The following JAZF1 variants were observed in gnomAD, a reference collection of about 807,000 sequenced individuals.
JAZF1 encodes juxtaposed with another zinc finger protein 1.
Under a neutral mutation model 26.4 loss-of-function variants are expected in JAZF1, and 8 were observed. The ratio of observed to expected loss-of-function variants is 0.30; its 90% CI spans 0.18 to 0.55. The LOEUF is 0.55. JAZF1 is among the 20% of genes least tolerant of loss of function. The pLI is 0.94. For synonymous variants in JAZF1, 126 were observed against 122.3 expected, an observed-to-expected ratio of 1.03 and a Z score of -0.20; for missense variants, 199 against 322.0, an observed-to-expected ratio of 0.62 and a Z score of 2.92.
chr7:28,126,425 G>A (rs1040282619), intron 1 of JAZF1, among the ~76,000 whole-genome samples: 1 of 151,576 alleles, frequency 6.6e-6, no homozygotes, highest in Non-Finnish European at 1.5e-5. Flanking sequence ...AGGAGAGGGG[G>A]ATGGGCATGG....
intron 1 of JAZF1, among the ~76,000 whole-genome samples, chr7:28,004,857 T>G (rs1028478277): frequency 1.3e-5 from 2 of 152,182 alleles, no homozygotes; most frequent in African/African-American, 4.8e-5. Context: ...TTCGCCATGT[T>G]GGCCAGGCTG....
intron 1 of JAZF1, among the ~76,000 whole-genome samples, chr7:28,054,919 G>A (rs1215191183): frequency 1.3e-5 from 2 of 152,024 alleles, no homozygotes; most frequent in Non-Finnish European, 2.9e-5. Flanking sequence ...ACAGTGCATG[G>A]CGCTCACATT....
chr7:28,071,303 C>A (rs963634124), intron 1 of JAZF1, among the ~76,000 whole-genome samples: 1 of 152,212 alleles, frequency 6.6e-6, no homozygotes, highest in African/African-American at 2.4e-5. Context: ...CATACTCTTC[C>A]ACTTTTATGC....
intron 1 of JAZF1, among the ~76,000 whole-genome samples, chr7:28,106,477 G>A (rs534552094): frequency 4.6e-5 from 7 of 152,224 alleles, no homozygotes; most frequent in African/African-American, 1.7e-4. Context: ...GGGAGACACA[G>A]GATCTGACAC....
At chr7:28,170,808 T>C (rs1447911090) in intron 1 of JAZF1, among the ~76,000 whole-genome samples, 1 of 152,090 alleles carries the variant, frequency 6.6e-6, no homozygotes, top group East Asian at 1.9e-4. Context: ...GATCACAACT[T>C]AGGCTGTAAA....
intron 1 of JAZF1, among the ~76,000 whole-genome samples, chr7:28,048,310 T>A (rs1288174925): frequency 6.6e-6 from 1 of 152,228 alleles, no homozygotes; most frequent in Non-Finnish European, 1.5e-5. Flanking sequence ...AGAGATTAGT[T>A]TTATTTAATC....
At chr7:27,966,487 A>G (rs1439226121) in intron 2 of JAZF1, among the ~76,000 whole-genome samples, 4 of 152,330 alleles carry the variant, frequency 2.6e-5, no homozygotes, top group Middle Eastern at 3.4e-3. Flanking sequence ...ACACAATTCA[A>G]GGCTGACCCT....
chr7:28,172,110 T>TA (rs1783479257), intron 1 of JAZF1, among the ~76,000 whole-genome samples: 1 of 152,196 alleles, frequency 6.6e-6, no homozygotes, highest in South Asian at 2.1e-4. Flanking sequence ...CTGCTATAAA[T>TA]ACTTCTTTTG....
intron 3 of JAZF1, among the ~76,000 whole-genome samples, chr7:27,863,039 C>T (rs1159649732): frequency 6.6e-6 from 1 of 152,152 alleles, no homozygotes; most frequent in East Asian, 1.9e-4. Context: ...GCCACCATTC[C>T]GGCCTGCCTT....
At chr7:27,855,233 G>T (rs13237769) in intron 3 of JAZF1, among the ~76,000 whole-genome samples, 1 of 151,758 alleles carries the variant, frequency 6.6e-6, no homozygotes, top group Non-Finnish European at 1.5e-5. Context: ...GCAGTGTGTA[G>T]AGGGAAATTT....
chr7:27,926,356 T>C (rs1015194064), intron 2 of JAZF1, among the ~76,000 whole-genome samples: 26 of 152,170 alleles, frequency 1.7e-4, no homozygotes, highest in Admixed American at 1.5e-3. Flanking sequence ...ACAGCAACAC[T>C]GTACAAGGGA....
intron 2 of JAZF1, among the ~76,000 whole-genome samples, chr7:27,981,958 A>G (rs574911310): frequency 6.6e-6 from 1 of 152,234 alleles, no homozygotes; most frequent in South Asian, 2.1e-4. Flanking sequence ...TTGGCAAAAT[A>G]TTTGTTACTT....
intron 3 of JAZF1, among the ~76,000 whole-genome samples, chr7:27,880,581 C>A (rs1001369987): frequency 6.6e-6 from 1 of 151,818 alleles, no homozygotes. Flanking sequence ...TGCAGTGAGC[C>A]GAGATCATGC....
intron 1 of JAZF1, among the ~76,000 whole-genome samples, chr7:28,088,338 T>C (rs993456978): frequency 7.2e-5 from 11 of 152,244 alleles, no homozygotes; most frequent in Admixed American, 6.5e-4. Flanking sequence ...ATTTTGCTAC[T>C]AGGAGCTAGC....
intron 1 of JAZF1, among the ~76,000 whole-genome samples, chr7:28,168,529 TAAGCA>T (rs765277113): frequency 8.5e-5 from 13 of 152,186 alleles, no homozygotes; most frequent in Admixed American, 2.0e-4. Context: ...GCTGCCTTTT[TAAGCA>T]AAGCAAAGAC....
At chr7:27,970,600 A>T (rs1206873971) in intron 2 of JAZF1, among the ~76,000 whole-genome samples, 2 of 152,344 alleles carry the variant, frequency 1.3e-5, no homozygotes, top group Non-Finnish European at 2.9e-5. Flanking sequence ...TAGAAGTCAG[A>T]TATTTTGATA....
chr7:28,176,591 G>T (rs192571893), intron 1 of JAZF1, among the ~76,000 whole-genome samples: 6 of 152,118 alleles, frequency 3.9e-5, no homozygotes, highest in Admixed American at 2.6e-4. Flanking sequence ...ATTGTTTATT[G>T]TCTGGCCCCC....
chr7:28,014,059 T>C (rs1782842032), intron 1 of JAZF1, among the ~76,000 whole-genome samples: 1 of 137,054 alleles, frequency 7.3e-6, no homozygotes, highest in Admixed American at 8.9e-5. Flanking sequence ...ATTCTACAGC[T>C]GTAAAAATAC....
At chr7:27,876,217 G>A (rs1783676960) in intron 3 of JAZF1, among the ~76,000 whole-genome samples, 1 of 152,198 alleles carries the variant, frequency 6.6e-6, no homozygotes, top group Admixed American at 6.5e-5. Context: ...AAGGTGGGGT[G>A]GAAGGGACAG....
Sources: gnomAD v4.1 joint callset for allele counts (sites outside exome capture counted in the v4.1 genomes callset) on GRCh38, gnomAD v4.1.1 for gene constraint, MANE v1.5 for transcripts, NCBI Gene and HGNC (gene_info 2026-07-23, HGNC 2026-07-21) for gene names.